SYNE2: variants seen among roughly 807,000 people sequenced by gnomAD.
SYNE2 encodes nesprin-2.
A neutral mutation model predicts 856.3 loss-of-function variants in SYNE2; 431 were observed. That is an observed-to-expected ratio of 0.50 (90% CI 0.47 to 0.55). The LOEUF (loss-of-function observed/expected upper bound fraction) is 0.55, where lower values mean the gene tolerates loss of function less well. Ranked by LOEUF, SYNE2 falls within the 20% of genes least tolerant of loss-of-function variation. SYNE2 has a pLI of 0.00. For missense variants in SYNE2, 8,129 were observed against 8,023.2 expected, an observed-to-expected ratio of 1.01 and a Z score of -0.50; for synonymous variants, 2,923 against 2,872.3, an observed-to-expected ratio of 1.02 and a Z score of -0.56.
At chr14:64,197,218 TG>T (rs1304394080) in intron 99 of SYNE2, 1 of 152,294 alleles carries the variant, frequency 6.6e-6, no homozygotes, top group African/African-American at 2.4e-5. Context: ...ACCGATGAGA[TG>T]GTGGCTGCGG....
intron 99 of SYNE2, among the ~76,000 whole-genome samples, chr14:64,201,480 G>T (rs985568822): frequency 1.1e-4 from 17 of 152,300 alleles, no homozygotes; most frequent in African/African-American, 3.6e-4. Context: ...CCTGGTGGGT[G>T]CACAGTGTCT....
intron 84 of SYNE2, among the ~76,000 whole-genome samples, chr14:64,151,091 TTC>T (rs767392162): frequency 1.3e-5 from 2 of 152,180 alleles, no homozygotes; most frequent in Non-Finnish European, 2.9e-5. Flanking sequence ...TCCAGCTCCA[TTC>T]TCTCATCATC....
At chr14:64,031,492 T>A (rs756888092) in intron 45 of SYNE2, 135 bp downstream of exon 45, 3 of 807,040 alleles carry the variant, frequency 3.7e-6, no homozygotes, top group Non-Finnish European at 6.2e-6. Flanking sequence ...TTATGAAGCC[T>A]ACTTGTAAAA....
intron 35 of SYNE2, 95 bp downstream of exon 35, chr14:64,020,188 G>T: frequency 9.0e-5 from 73 of 806,836 alleles, no homozygotes; most frequent in Middle Eastern, 7.7e-4. Flanking sequence ...GCAAAACCCT[G>T]TCTCTAAAAG....
intron 45 of SYNE2, among the ~76,000 whole-genome samples, chr14:64,043,606 C>G (rs963585389): frequency 6.6e-6 from 1 of 152,194 alleles, no homozygotes; most frequent in Non-Finnish European, 1.5e-5. Flanking sequence ...CTAAAAGGAG[C>G]CAAGGAACAG....
chr14:64,129,692 T>C, intron 74 of SYNE2, 90 bp from the exon 75 acceptor site: 2 of 1,575,738 alleles, frequency 1.3e-6, no homozygotes, highest in East Asian at 2.3e-5. Flanking sequence ...CCTTCATCCC[T>C]TTCTGTACTA....
intron 108 of SYNE2, 102 bp from the exon 109 acceptor site, chr14:64,218,296 G>T (rs2098676386): frequency 9.6e-7 from 1 of 1,039,864 alleles, no homozygotes. Context: ...CAAAGGAAAG[G>T]GGCCCATCTC....
chr14:64,129,142 A>G (rs1428481583), intron 74 of SYNE2, among the ~76,000 whole-genome samples: 6 of 152,024 alleles, frequency 3.9e-5, no homozygotes, highest in African/African-American at 1.2e-4. Context: ...CCCCATCTCT[A>G]TCGAAAATAC....
chr14:63,980,838 G>C, intron 15 of SYNE2, 106 bp downstream of exon 15: 1 of 1,097,016 alleles, frequency 9.1e-7, no homozygotes, highest in Non-Finnish European at 1.3e-6. Context: ...TTATGTGCAT[G>C]TTTTCCTGGG....
chr14:64,053,466 A>G lies in SYNE2; in HGVS notation c.9553A>G (p.Ile3185Val). Reference protein sequence around the residue: ...PLLINLEIKHIQNEKDNCEAF... With the variant: ...PLLINLEIKHVQNEKDNCEAF... Reference sequence around the variant, plus strand: ...ACTTATAAATTTGGAAATTAAACATATTCAAAATGAAAAGGACAATTGTGA... The same window carrying G: ...ACTTATAAATTTGGAAATTAAACATGTTCAAAATGAAAAGGACAATTGTGA... Residue 3185 changes from isoleucine to valine, a missense_variant, in exon 48 of 116, where the codon ATT becomes GTT. Ile to Val is a conservative substitution (Grantham distance 29). Transcript: ENST00000555002. 6.2e-7 allele frequency: 1 copy of G among 1,614,042 alleles called. No homozygotes were observed. Among genetic ancestry groups the G allele is most frequent in the Non-Finnish European group, 8.5e-7 (1 of 1,180,006 alleles).
chr14:63,799,810 A>C (rs895994870), intron 1 of SYNE2, among the ~76,000 whole-genome samples: 2 of 152,214 alleles, frequency 1.3e-5, no homozygotes, highest in Non-Finnish European at 2.9e-5. Flanking sequence ...TCGCACTTGA[A>C]AAATGAACTT....
intron 7 of SYNE2, among the ~76,000 whole-genome samples, chr14:63,952,034 T>C (rs1370129514): frequency 1.3e-5 from 2 of 152,246 alleles, no homozygotes; most frequent in African/African-American, 2.4e-5. Flanking sequence ...TCCTGTGTTT[T>C]ATTGTTTCAA....
chr14:64,016,754 A>C (rs2096895024), intron 33 of SYNE2, 123 bp downstream of exon 33: 2 of 717,588 alleles, frequency 2.8e-6, no homozygotes. Context: ...AATTATATAA[A>C]ACTTAGGAAT....
At chr14:64,075,642 C>A in intron 53 of SYNE2, 3 of 278,164 alleles carry the variant, frequency 1.1e-5, no homozygotes, top group East Asian at 9.0e-5. Context: ...TAGATCAGGA[C>A]TGCAATGGAG....
At chr14:63,942,220 G>C in intron 6 of SYNE2, 77 bp downstream of exon 6, 4 of 898,206 alleles carry the variant, frequency 4.5e-6, no homozygotes, top group African/African-American at 1.6e-5. Flanking sequence ...AAGTGTGAGT[G>C]GACTAGATTC....
intron 83 of SYNE2, among the ~76,000 whole-genome samples, chr14:64,144,228 C>T (rs1286488848): frequency 2.0e-5 from 3 of 152,068 alleles, no homozygotes; most frequent in Non-Finnish European, 2.9e-5. Context: ...ATGTCAGACT[C>T]CTAAATGATC....
chr14:64,150,383 C>G (rs1369711008), intron 84 of SYNE2, among the ~76,000 whole-genome samples: 1 of 150,560 alleles, frequency 6.6e-6, no homozygotes, highest in Non-Finnish European at 1.5e-5. Flanking sequence ...CCACACCCAG[C>G]TAACTTTTGT....
intron 45 of SYNE2, among the ~76,000 whole-genome samples, chr14:64,044,217 G>C (rs2097169631): frequency 6.6e-6 from 1 of 152,138 alleles, no homozygotes; most frequent in South Asian, 2.1e-4. Context: ...CTAGATATGA[G>C]ACCTAGAGTC....
At chr14:63,978,707 A>T in intron 13 of SYNE2, 145 bp from the exon 14 acceptor site, 1 of 649,796 alleles carries the variant, frequency 1.5e-6, no homozygotes, top group South Asian at 1.9e-5. Context: ...ACAATGTTTA[A>T]AAAAGAAAAA....
Sources: gnomAD v4.1 joint callset for allele counts (sites outside exome capture counted in the v4.1 genomes callset) on GRCh38, gnomAD v4.1.1 for gene constraint, MANE v1.5 for transcripts, NCBI Gene and HGNC (gene_info 2026-07-23, HGNC 2026-07-21) for gene names.